Variants in RNF185 observed in about 807,000 individuals in gnomAD.
RNF185 encodes E3 ubiquitin-protein ligase RNF185.
In RNF185, 13 loss-of-function variants were observed where a neutral mutation model predicts 24.9. That is an observed-to-expected ratio of 0.52 (90% CI 0.34 to 0.83). The LOEUF (loss-of-function observed/expected upper bound fraction) is 0.83, where lower values mean the gene tolerates loss of function less well. Among genes scored for constraint, RNF185 ranks in the 40% least tolerant of loss-of-function variants. The pLI is 0.01. For synonymous variants in RNF185, 79 were observed against 90.3 expected (o/e 0.88, Z 0.71); for missense variants, 184 against 244.7 (o/e 0.75, Z 1.65).
At chr22:31,187,891 G>A (rs1374221250) in intron 2 of RNF185, among the ~76,000 whole-genome samples, 1 of 151,356 alleles carries the variant, frequency 6.6e-6, no homozygotes, top group Admixed American at 6.6e-5. Context: ...TGAGAACCTA[G>A]GTGCTAGGTG....
chr22:31,176,275 C>A (rs184265912), intron 1 of RNF185, among the ~76,000 whole-genome samples: 77 of 150,210 alleles, frequency 5.1e-4, no homozygotes, highest in African/African-American at 1.9e-3. Context: ...CTCGCTCTGT[C>A]GCCCAGGCTG....
At chr22:31,185,896 G>A (rs923964271) in intron 1 of RNF185, among the ~76,000 whole-genome samples, 2 of 152,136 alleles carry the variant, frequency 1.3e-5, no homozygotes, top group African/African-American at 4.8e-5. Context: ...GTGGTACGGT[G>A]CAAACAGGGT....
intron 1 of RNF185, among the ~76,000 whole-genome samples, chr22:31,164,070 C>T (rs1249486735): frequency 6.6e-6 from 1 of 151,970 alleles, no homozygotes; most frequent in Non-Finnish European, 1.5e-5. Flanking sequence ...CAACCTGTGC[C>T]TCCCAGGTTC....
intron 1 of RNF185, among the ~76,000 whole-genome samples, chr22:31,177,107 T>G (rs950003924): frequency 6.6e-6 from 1 of 152,184 alleles, no homozygotes; most frequent in Non-Finnish European, 1.5e-5. Context: ...AATTATGCAC[T>G]TGTTCCTTGT....
intron 1 of RNF185, among the ~76,000 whole-genome samples, chr22:31,178,721 C>T (rs1456662883): frequency 6.6e-6 from 1 of 152,144 alleles, no homozygotes; most frequent in Non-Finnish European, 1.5e-5. Flanking sequence ...CAGTTGGTAG[C>T]ACCAGACCTC....
intron 1 of RNF185, among the ~76,000 whole-genome samples, chr22:31,177,155 G>T (rs2047990960): frequency 6.6e-6 from 1 of 151,998 alleles, no homozygotes; most frequent in Non-Finnish European, 1.5e-5. Context: ...CCTGTCTTCA[G>T]GTACTATGTA....
chr22:31,175,226 G>C (rs1346193458), intron 1 of RNF185, among the ~76,000 whole-genome samples: 2 of 152,000 alleles, frequency 1.3e-5, no homozygotes, highest in Non-Finnish European at 2.9e-5. Flanking sequence ...GAGGCAGGTG[G>C]ATTGCTTGAG....
intron 2 of RNF185, among the ~76,000 whole-genome samples, chr22:31,191,827 CAAAAAAAAAA>C (rs71784545): frequency 2.0e-4 from 13 of 64,354 alleles, no homozygotes; most frequent in African/African-American, 5.9e-4. Context: ...AACTTCGTCT[CAAAAAAAAAA>C]AAAAAAAAAA....
At chr22:31,200,664 G>A (rs1164952297) in intron 5 of RNF185, among the ~76,000 whole-genome samples, 1 of 152,218 alleles carries the variant, frequency 6.6e-6, no homozygotes, top group Non-Finnish European at 1.5e-5. Flanking sequence ...AAAACTGAGG[G>A]TGATATACCA....
intron 1 of RNF185, among the ~76,000 whole-genome samples, chr22:31,182,358 G>A (rs1328280797): frequency 6.6e-6 from 1 of 151,986 alleles, no homozygotes; most frequent in Non-Finnish European, 1.5e-5. Context: ...TATAATCTTG[G>A]CTCACTGCAA....
At position 31,206,674 on chromosome 22, in the gene RNF185, A is replaced by AT. The variant is rs2048317492; in HGVS notation, c.*2092dup. 1 of 152,388 alleles carries AT rather than the reference A, an allele frequency of 6.6e-6. No individual in the cohort carries two copies. Among genetic ancestry groups the AT allele is most frequent in the Non-Finnish European group, 1.5e-5 (1 of 68,176 alleles). The allele number at this position is 152,388 out of a possible 1,614,324, so 9.4% of individuals were successfully genotyped here. ...AGCCAGGCTGGCCAAATGCCATTTG[A>AT]TTTTGAACCTCGTAGGTCCCCACTC... On this transcript the variant is annotated 3_prime_UTR_variant, in exon 7 of 7. Coordinates refer to ENST00000326132, the MANE Select transcript of RNF185 (RefSeq NM_152267.4).
chr22:31,183,684 G>T lies in RNF185; in HGVS notation c.-48-3363G>T, dbSNP rs552618170. Among the ~76,000 whole-genome samples the T allele has an allele frequency of 4.6e-5, 7 of 152,284 alleles. No individual in the cohort carries two copies. The South Asian group carries it at 1.5e-3, about 32-fold the overall frequency. ...CTTAGTGGACACAGCACATGTTTCA[G>T]AGAGCAGGGGTTGGGGGTAAGGTTA... On this transcript the variant is annotated intron_variant, in intron 1 of 6. Coordinates refer to ENST00000326132, the MANE Select transcript of RNF185 (RefSeq NM_152267.4).
intron 1 of RNF185, among the ~76,000 whole-genome samples, chr22:31,166,574 TTCTTCTTCC>T (rs1485416596): frequency 1.3e-5 from 2 of 151,262 alleles, no homozygotes; most frequent in Non-Finnish European, 2.9e-5. Context: ...CTTCTTCTTC[TTCTTCTTCC>T]CCTTCCCCTT....
intron 5 of RNF185, among the ~76,000 whole-genome samples, chr22:31,201,173 G>A (rs1459075321): frequency 6.6e-6 from 1 of 152,222 alleles, no homozygotes; most frequent in Non-Finnish European, 1.5e-5. Context: ...GCTAATGTGG[G>A]ACTATGGAAA....
chr22:31,189,246 T>C (rs1231987297), intron 2 of RNF185, among the ~76,000 whole-genome samples: 1 of 143,786 alleles, frequency 7.0e-6, no homozygotes, highest in Non-Finnish European at 1.5e-5. Context: ...ATATATTAAC[T>C]ATACATATAT....
At chr22:31,170,402 G>T (rs1462326835) in intron 1 of RNF185, among the ~76,000 whole-genome samples, 2 of 152,092 alleles carry the variant, frequency 1.3e-5, no homozygotes, top group Non-Finnish European at 2.9e-5. Flanking sequence ...ATGTTAGCCA[G>T]ATGGTCTCGA....
chr22:31,167,974 T>A (rs910610720), intron 1 of RNF185, among the ~76,000 whole-genome samples: 4 of 152,216 alleles, frequency 2.6e-5, no homozygotes, highest in Non-Finnish European at 5.9e-5. Context: ...TTTTTTTAAA[T>A]GTACAGCTCA....
chr22:31,170,770 A>G (rs1568960021), intron 1 of RNF185, among the ~76,000 whole-genome samples: 1 of 152,064 alleles, frequency 6.6e-6, no homozygotes, highest in Non-Finnish European at 1.5e-5. Flanking sequence ...TTGTACTCCC[A>G]AAGTGCTGGG....
At chr22:31,171,105 G>A (rs577458125) in intron 1 of RNF185, among the ~76,000 whole-genome samples, 1 of 151,990 alleles carries the variant, frequency 6.6e-6, no homozygotes, top group South Asian at 2.1e-4. Context: ...GTTACATTCT[G>A]ACTTGGTTAT....
Sources: allele counts gnomAD v4.1 joint callset (sites outside exome capture counted in the v4.1 genomes callset), GRCh38; gene constraint gnomAD v4.1.1; transcripts MANE v1.5; gene names NCBI Gene and HGNC (gene_info 2026-07-23, HGNC 2026-07-21).